ATP9B: variants seen among roughly 807,000 people sequenced by gnomAD.
ATP9B encodes probable phospholipid-transporting ATPase IIB.
A neutral mutation model predicts 146.1 loss-of-function variants in ATP9B; 110 were observed. The observed-to-expected ratio is 0.75, with a 90% CI of 0.65 to 0.88. ATP9B has a LOEUF of 0.88. ATP9B is among the 40% of genes least tolerant of loss of function. ATP9B has a pLI of 0.00. For missense variants in ATP9B, 1,499 were observed against 1,496.4 expected (o/e 1.00, Z -0.03); for synonymous variants, 604 against 569.7 (o/e 1.06, Z -0.86).
intron 15 of ATP9B, among the ~76,000 whole-genome samples, chr18:79,307,685 A>T (rs1375006936): frequency 6.6e-6 from 1 of 152,264 alleles, no homozygotes; most frequent in African/African-American, 2.4e-5. Context: ...TTTCAAAAGA[A>T]AATTGGAATG....
chr18:79,112,028 CA>C (rs1176544918), intron 3 of ATP9B, among the ~76,000 whole-genome samples: 4 of 151,342 alleles, frequency 2.6e-5, no homozygotes, highest in African/African-American at 9.7e-5. Context: ...TGAAATAATT[CA>C]AAACATTCTT....
intron 21 of ATP9B, 95 bp from the exon 22 acceptor site, chr18:79,345,333 G>A: frequency 7.1e-7 from 1 of 1,414,554 alleles, no homozygotes; most frequent in Middle Eastern, 1.8e-4. Flanking sequence ...GGCGTCTGTT[G>A]GCTTTGCTCC....
chr18:79,368,080 G>A (rs1190121557), intron 26 of ATP9B, among the ~76,000 whole-genome samples: 2 of 152,054 alleles, frequency 1.3e-5, no homozygotes, highest in Non-Finnish European at 2.9e-5. Flanking sequence ...GGGCGCCATG[G>A]CCCCGGGTGA....
chr18:79,123,692 C>T (rs890873273), intron 4 of ATP9B, among the ~76,000 whole-genome samples: 1 of 152,132 alleles, frequency 6.6e-6, no homozygotes, highest in African/African-American at 2.4e-5. Context: ...ACTGCATGAT[C>T]AAGACAGTAT....
chr18:79,259,346 C>T (rs1198075351), intron 12 of ATP9B, among the ~76,000 whole-genome samples: 7 of 152,102 alleles, frequency 4.6e-5, no homozygotes, highest in African/African-American at 1.2e-4. Flanking sequence ...CTCTTTCGTC[C>T]GTATGCTTTG....
At chr18:79,264,599 A>G (rs1414314031) in intron 12 of ATP9B, among the ~76,000 whole-genome samples, 7 of 151,402 alleles carry the variant, frequency 4.6e-5, no homozygotes, top group Admixed American at 2.0e-4. Flanking sequence ...TACTCCAAGG[A>G]GATGAAACTC....
chr18:79,347,755 G>A lies in ATP9B; in HGVS notation c.2683-15G>A. 6.5e-7 allele frequency: 1 copy of A among 1,528,946 alleles called. No individual in the cohort carries two copies. Among genetic ancestry groups the A allele is most frequent in the Non-Finnish European group, 8.8e-7 (1 of 1,136,958 alleles). 94.7% of individuals were successfully genotyped at this position (1,528,946 alleles called of 1,614,324 possible). On this transcript the variant is annotated splice_polypyrimidine_tract_variant and intron_variant, in intron 23 of 29. Transcript: ENST00000426216. Reference sequence around the variant, plus strand: ...TCCGCCATGTTTGAAAAGGCCCCGTGTGCTTTTCTCTCAGGAGGGTAAACA... The same window carrying A: ...TCCGCCATGTTTGAAAAGGCCCCGTATGCTTTTCTCTCAGGAGGGTAAACA...
At chr18:79,292,718 G>C (rs1361032692) in intron 13 of ATP9B, among the ~76,000 whole-genome samples, 1 of 152,014 alleles carries the variant, frequency 6.6e-6, no homozygotes, top group Non-Finnish European at 1.5e-5. Context: ...TGCAGAGTGG[G>C]GGGTGGGTGA....
chr18:79,160,737 A>G (rs768549643), intron 7 of ATP9B, among the ~76,000 whole-genome samples: 2 of 151,920 alleles, frequency 1.3e-5, no homozygotes, highest in Admixed American at 6.6e-5. Context: ...ACTATTAGCA[A>G]TTTTATGGGT....
At chr18:79,371,611 C>T (rs186067938) in intron 26 of ATP9B, among the ~76,000 whole-genome samples, 5 of 152,296 alleles carry the variant, frequency 3.3e-5, no homozygotes, top group Admixed American at 2.6e-4. Context: ...GGAATATAGC[C>T]GCATTTCCAG....
At chr18:79,161,013 A>T (rs1183379320) in intron 7 of ATP9B, among the ~76,000 whole-genome samples, 1 of 151,920 alleles carries the variant, frequency 6.6e-6, no homozygotes, top group African/African-American at 2.4e-5. Context: ...CAAGCGATCC[A>T]CCTGCCTTGG....
chr18:79,152,419 T>C (rs924017946), intron 6 of ATP9B, among the ~76,000 whole-genome samples: 1 of 152,116 alleles, frequency 6.6e-6, no homozygotes, highest in African/African-American at 2.4e-5. Context: ...TGGTTTGGAG[T>C]CTTTTGTTAG....
chr18:79,344,027 C>G lies in ATP9B; in HGVS notation c.2383-238C>G, dbSNP rs1006825585. The G allele has an allele frequency of 7.0e-6, 4 of 568,258 alleles. No individual in the cohort carries two copies. In the African/African-American group the frequency reaches 7.5e-5, roughly 11 times the overall value. 35.2% of individuals were successfully genotyped at this position (568,258 alleles called of 1,614,324 possible). ...CACTGCATTCCTCACTATACGTTTC[C>G]TGCTTGCAGTTGCCACAAATTTGAA... On this transcript the variant is annotated intron_variant, in intron 20 of 29. Transcript: ENST00000426216.
intron 12 of ATP9B, among the ~76,000 whole-genome samples, chr18:79,257,734 T>C (rs1454826052): frequency 1.3e-5 from 2 of 152,256 alleles, no homozygotes; most frequent in African/African-American, 4.8e-5. Context: ...TGCTCCCATC[T>C]CTGTCCAGCA....
intron 23 of ATP9B, 109 bp downstream of exon 23, chr18:79,345,948 CAGCATG>C (rs2147495310): frequency 8.1e-7 from 1 of 1,229,912 alleles, no homozygotes; most frequent in African/African-American, 1.5e-5. Flanking sequence ...CAGTGCACGT[CAGCATG>C]TGCTTAGCGT....
Position 79,372,889 on chromosome 18 carries a change from C to A in ATP9B, c.3070+7C>A. The A allele has an allele frequency of 6.3e-7, 1 of 1,595,480 alleles. No homozygotes were observed. The highest frequency in any genetic ancestry group is 8.6e-7 in the Non-Finnish European group (1 of 1,163,428). ...TTAATAAGTATTTACCAAGGTAAGA[C>A]GAGATCCTTAGTTTACTGGACTAAA... On this transcript the variant is annotated splice_region_variant and intron_variant, in intron 27 of 29. Coordinates refer to ENST00000426216, the MANE Select transcript of ATP9B (RefSeq NM_198531.5).
chr18:79,368,070 GGGCGCCATGGCCCCGGGTGAGCTGGAC>G (rs1325253981), intron 26 of ATP9B, among the ~76,000 whole-genome samples: 20 of 152,232 alleles, frequency 1.3e-4, no homozygotes, highest in African/African-American at 4.3e-4. Flanking sequence ...GTGGGCTGGA[GGGCGCCATGGCCCCGGGTGAGCTGGAC>G]GGCGCCGTGG....
intron 5 of ATP9B, among the ~76,000 whole-genome samples, chr18:79,140,341 G>A (rs2094498466): frequency 6.6e-6 from 1 of 152,054 alleles, no homozygotes; most frequent in East Asian, 1.9e-4. Context: ...TTTTGGGGGG[G>A]AATTTCTTTA....
chr18:79,250,835 C>T (rs569358855), intron 11 of ATP9B, among the ~76,000 whole-genome samples: 1 of 152,306 alleles, frequency 6.6e-6, no homozygotes, highest in Admixed American at 6.5e-5. Flanking sequence ...GGCGCTGTTA[C>T]TGGTACTGTG....
Sources: gnomAD v4.1 joint callset for allele counts (sites outside exome capture counted in the v4.1 genomes callset) on GRCh38, gnomAD v4.1.1 for gene constraint, MANE v1.5 for transcripts, NCBI Gene and HGNC (gene_info 2026-07-23, HGNC 2026-07-21) for gene names.